RERE: variants seen among roughly 807,000 people sequenced by gnomAD.
RERE encodes arginine-glutamic acid dipeptide repeats, also known as arginine-glutamic acid dipeptide repeats protein.
A neutral mutation model predicts 146.1 loss-of-function variants in RERE; 40 were observed. The ratio of observed to expected loss-of-function variants is 0.27; its 90% CI spans 0.21 to 0.36. RERE has a LOEUF of 0.36. RERE is among the 10% of genes least tolerant of loss of function. The probability of loss-of-function intolerance (pLI) is 1.00; values close to 1 mark genes in which losing one functional copy is unlikely to be tolerated. For missense variants in RERE, 1,933 were observed against 2,138.7 expected (o/e 0.90, Z 1.90); for synonymous variants, 1,003 against 866.0 (o/e 1.16, Z -2.78).
intron 4 of RERE, among the ~76,000 whole-genome samples, chr1:8,579,873 G>A (rs370171883): frequency 6.6e-6 from 1 of 152,146 alleles, no homozygotes; most frequent in South Asian, 2.1e-4. Flanking sequence ...GCGTGGTGGC[G>A]CATGCCTGTA....
At chr1:8,380,715 C>T in intron 12 of RERE, 1 of 382,652 alleles carries the variant, frequency 2.6e-6, no homozygotes. Context: ...CAACACAAGT[C>T]AAAATCCTCA....
intron 4 of RERE, among the ~76,000 whole-genome samples, chr1:8,601,217 C>T (rs573809261): frequency 6.6e-6 from 1 of 151,820 alleles, no homozygotes; most frequent in Admixed American, 6.6e-5. Context: ...GGGGTTTCAC[C>T]ATGTGGGCCA....
At chr1:8,767,971 A>G (rs1640879571) in intron 1 of RERE, among the ~76,000 whole-genome samples, 1 of 152,058 alleles carries the variant, frequency 6.6e-6, no homozygotes, top group African/African-American at 2.4e-5. Context: ...GTCTCCAAAT[A>G]TAATATAATA....
At chr1:8,398,055 T>A (rs1643114910) in intron 12 of RERE, among the ~76,000 whole-genome samples, 1 of 152,198 alleles carries the variant, frequency 6.6e-6, no homozygotes, top group African/African-American at 2.4e-5. Flanking sequence ...AAGAGAGGCA[T>A]GATGTTCTAC....
At chr1:8,683,247 CT>C (rs779362317) in intron 1 of RERE, among the ~76,000 whole-genome samples, 23 of 152,246 alleles carry the variant, frequency 1.5e-4, no homozygotes, top group South Asian at 4.1e-4. Context: ...TCCTACAAGT[CT>C]ATACCACACA....
chr1:8,564,826 A>ATGTGTGTG (rs796133984), intron 4 of RERE, among the ~76,000 whole-genome samples: 8,903 of 116,634 alleles, frequency 0.076, 489 homozygotes, highest in East Asian at 0.17. Flanking sequence ...GTGTGTGTAT[A>ATGTGTGTG]TGTGTATGTG....
At chr1:8,540,848 A>G (rs867830164) in intron 7 of RERE, among the ~76,000 whole-genome samples, 70 of 152,208 alleles carry the variant, frequency 4.6e-4, no homozygotes, top group African/African-American at 1.6e-3. Flanking sequence ...GTCTTTTTCA[A>G]TATGGTATTA....
intron 4 of RERE, among the ~76,000 whole-genome samples, chr1:8,614,195 C>T (rs1646824490): frequency 6.6e-6 from 1 of 152,164 alleles, no homozygotes; most frequent in Admixed American, 6.5e-5. Flanking sequence ...CCATGAGTCC[C>T]AATGAGCCTG....
intron 4 of RERE, among the ~76,000 whole-genome samples, chr1:8,577,827 G>A (rs888683068): frequency 2.0e-5 from 3 of 152,162 alleles, no homozygotes; most frequent in Non-Finnish European, 4.4e-5. Flanking sequence ...GGGTGCAGTG[G>A]CTCATGCCTT....
chr1:8,663,132 G>C (rs1422989092), intron 1 of RERE, among the ~76,000 whole-genome samples: 2 of 151,978 alleles, frequency 1.3e-5, no homozygotes, highest in Non-Finnish European at 2.9e-5. Context: ...CCATGATTAA[G>C]AAACAAATCA....
chr1:8,751,078 C>T (rs1264834264), intron 1 of RERE: 3 of 520,082 alleles, frequency 5.8e-6, no homozygotes, highest in African/African-American at 1.9e-5. Context: ...CTCCATGAGG[C>T]GGAATGAAGA....
chr1:8,383,311 C>T (rs915880570), intron 12 of RERE, among the ~76,000 whole-genome samples: 4 of 151,098 alleles, frequency 2.6e-5, no homozygotes, highest in East Asian at 3.9e-4. Context: ...CTTACACAAT[C>T]GGCAACAGAA....
chr1:8,611,401 G>A (rs1286670039), intron 4 of RERE, among the ~76,000 whole-genome samples: 3 of 143,202 alleles, frequency 2.1e-5, no homozygotes, highest in Non-Finnish European at 3.1e-5. Flanking sequence ...CTACTCAGGA[G>A]GCTGAGGCAG....
intron 1 of RERE, among the ~76,000 whole-genome samples, chr1:8,730,824 G>T (rs1255122718): frequency 6.6e-6 from 1 of 152,170 alleles, no homozygotes; most frequent in East Asian, 1.9e-4. Flanking sequence ...GACTAACGCT[G>T]CATGAGTGGT....
chr1:8,414,313 G>A lies in RERE; in HGVS notation c.1284+8414C>T, dbSNP rs368608316. Among the ~76,000 whole-genome samples the A allele has an allele frequency of 7.2e-5, 11 of 152,238 alleles. No individual in the cohort carries two copies. In the South Asian group the frequency reaches 1.0e-3, roughly 14 times the overall value. ...TGTAATCCCAGCACTTTGGGAGGCA[G>A]AGGCGGGCGAATCATGAGGTCAAGA... On this transcript the variant is annotated intron_variant, in intron 12 of 22. Coordinates refer to ENST00000400908, the MANE Select transcript of RERE (RefSeq NM_001042681.2).
chr1:8,735,667 G>T (rs764215127), intron 1 of RERE, among the ~76,000 whole-genome samples: 17 of 152,056 alleles, frequency 1.1e-4, no homozygotes, highest in Non-Finnish European at 2.4e-4. Context: ...GAGGTGATTG[G>T]ATCACGGGGC....
chr1:8,490,139 G>T (rs190751907), intron 10 of RERE, among the ~76,000 whole-genome samples: 1,640 of 151,890 alleles, frequency 0.011, 9 homozygotes, highest in Non-Finnish European at 0.018. Flanking sequence ...AAGGCGGGCG[G>T]ATCACGAGGT....
At chr1:8,457,617 T>A (rs1158121337) in intron 11 of RERE, among the ~76,000 whole-genome samples, 5 of 152,106 alleles carry the variant, frequency 3.3e-5, no homozygotes, top group African/African-American at 9.7e-5. Context: ...TTATTTATTT[T>A]TTTGAGACAG....
intron 11 of RERE, among the ~76,000 whole-genome samples, chr1:8,450,655 C>T (rs899472767): frequency 2.0e-5 from 3 of 152,250 alleles, no homozygotes; most frequent in Admixed American, 6.5e-5. Flanking sequence ...ACACAGAATC[C>T]CTTTTAACCC....
Sources: allele counts gnomAD v4.1 joint callset (sites outside exome capture counted in the v4.1 genomes callset), GRCh38; gene constraint gnomAD v4.1.1; transcripts MANE v1.5; gene names NCBI Gene and HGNC (gene_info 2026-07-23, HGNC 2026-07-21).